The following DENND5B variants were observed in gnomAD, a reference collection of about 807,000 sequenced individuals.
The protein encoded by DENND5B is DENN domain containing 5B.
A neutral mutation model predicts 140.6 loss-of-function variants in DENND5B; 34 were observed. The ratio of observed to expected loss-of-function variants is 0.24; its 90% confidence interval spans 0.18 to 0.32. The LOEUF (loss-of-function observed/expected upper bound fraction) is 0.32, where lower values mean the gene tolerates loss of function less well. Among genes scored for constraint, DENND5B ranks in the 10% least tolerant of loss-of-function variants. DENND5B has a pLI of 1.00. For synonymous variants in DENND5B, 551 were observed against 562.1 expected (o/e 0.98, Z 0.28); for missense variants, 1,142 against 1,560.2 (o/e 0.73, Z 4.52).
At chr12:31,544,031 G>A (rs1416818164) in intron 1 of DENND5B, among the ~76,000 whole-genome samples, 2 of 152,130 alleles carry the variant, frequency 1.3e-5, no homozygotes, top group East Asian at 3.9e-4. Flanking sequence ...AGGCATGGTG[G>A]CACAAGCCTG....
rs558832559 is a variant in DENND5B, at chr12:31,467,055, C to T, written c.905-6674G>A. Among the ~76,000 whole-genome samples, 5 of 151,656 alleles carry T rather than the reference C, an allele frequency of 3.3e-5. No homozygotes were observed. In the South Asian group the frequency reaches 1.0e-3, roughly 32 times the overall value. On this transcript the variant is annotated intron_variant, in intron 3 of 20. Coordinates refer to ENST00000389082, the MANE Select transcript of DENND5B (RefSeq NM_144973.4). ...AACCAGAAGATGATAGAATATTATCCTCAGAGTTCTAAGAGAAAAAAACTT... is the reference window on the plus strand; with the variant it reads ...AACCAGAAGATGATAGAATATTATCTTCAGAGTTCTAAGAGAAAAAAACTT...
At chr12:31,424,923 T>C (rs1051173638) in intron 9 of DENND5B, among the ~76,000 whole-genome samples, 2 of 152,188 alleles carry the variant, frequency 1.3e-5, no homozygotes, top group African/African-American at 4.8e-5. Context: ...TAAGATAATA[T>C]TTGTAAGGCA....
At chr12:31,465,930 T>G (rs1945244392) in intron 3 of DENND5B, 1 of 152,488 alleles carries the variant, frequency 6.6e-6, no homozygotes, top group South Asian at 2.1e-4. Context: ...CATGTTTGTC[T>G]GTAACAAGCT....
intron 17 of DENND5B, among the ~76,000 whole-genome samples, chr12:31,395,055 T>G (rs759059195): frequency 1.3e-5 from 2 of 152,184 alleles, no homozygotes; most frequent in East Asian, 3.8e-4. Flanking sequence ...CACCAGTTGA[T>G]GTATATTGGG....
intron 1 of DENND5B, among the ~76,000 whole-genome samples, chr12:31,524,572 G>A (rs903510158): frequency 6.6e-6 from 1 of 152,200 alleles, no homozygotes; most frequent in Non-Finnish European, 1.5e-5. Flanking sequence ...AGAATCGCTT[G>A]AACCTGGAAG....
intron 3 of DENND5B, among the ~76,000 whole-genome samples, chr12:31,467,352 C>T (rs1231000801): frequency 1.3e-5 from 2 of 152,030 alleles, no homozygotes; most frequent in African/African-American, 4.8e-5. Context: ...AGGCTGGGTG[C>T]AGTGGCTCAC....
intron 20 of DENND5B, among the ~76,000 whole-genome samples, 183 bp downstream of exon 20, chr12:31,389,141 G>C (rs979996292): frequency 6.6e-6 from 1 of 152,204 alleles, no homozygotes; most frequent in Non-Finnish European, 1.5e-5. Context: ...AGGTTGCAGT[G>C]AGCCAAGATT....
At chr12:31,568,733 T>C (rs905678554) in intron 1 of DENND5B, among the ~76,000 whole-genome samples, 1 of 152,292 alleles carries the variant, frequency 6.6e-6, no homozygotes, top group East Asian at 1.9e-4. Context: ...ACGTTCAAAT[T>C]ACACCCTGAA....
At chr12:31,396,366 T>TG (rs1941472847) in intron 17 of DENND5B, 2 of 91,620 alleles carry the variant, frequency 2.2e-5, no homozygotes, top group African/African-American at 9.3e-5. Context: ...TGTTGTTTTT[T>TG]TTTTTTTTTT....
At chr12:31,527,615 T>C (rs903353290) in intron 1 of DENND5B, among the ~76,000 whole-genome samples, 1 of 151,992 alleles carries the variant, frequency 6.6e-6, no homozygotes, top group Non-Finnish European at 1.5e-5. Context: ...CTGTCTCTAC[T>C]AAAAATACAA....
chr12:31,399,195 TAAAC>T (rs1179335591), intron 16 of DENND5B, among the ~76,000 whole-genome samples: 5 of 71,498 alleles, frequency 7.0e-5, no homozygotes, highest in African/African-American at 1.0e-4. Flanking sequence ...TTGTATGACA[TAAAC>T]AAAAAAAAAA....
intron 1 of DENND5B, among the ~76,000 whole-genome samples, chr12:31,525,473 A>G (rs1385943540): frequency 6.6e-6 from 1 of 152,244 alleles, no homozygotes; most frequent in African/African-American, 2.4e-5. Flanking sequence ...GAATAGGCAA[A>G]TTTACAGACA....
rs1565526623 is a variant in DENND5B at position 31,384,659 on chromosome 12, A to G, written c.*2944T>C. 1 of 152,216 alleles carries G rather than the reference A, an allele frequency of 6.6e-6. No homozygotes were observed. The highest frequency in any genetic ancestry group is 1.5e-5 in the Non-Finnish European group (1 of 68,042). 9.4% of individuals were successfully genotyped at this position (152,216 alleles called of 1,614,324 possible). On this transcript the variant is annotated 3_prime_UTR_variant, in exon 21 of 21. Transcript: ENST00000389082. ...ATCATTTCACCATTATAGTAATATT[A>G]CACAAAGGCATGAAGATGAAACTTC... is the stretch of plus-strand genomic sequence containing the variant.
intron 1 of DENND5B, among the ~76,000 whole-genome samples, chr12:31,517,486 G>C (rs1432462328): frequency 6.6e-6 from 1 of 152,204 alleles, no homozygotes; most frequent in Non-Finnish European, 1.5e-5. Context: ...GTATAGCACA[G>C]TACTGAATGA....
At chr12:31,413,628 A>G in intron 12 of DENND5B, 64 bp from the exon 13 acceptor site, 1 of 1,557,608 alleles carries the variant, frequency 6.4e-7, no homozygotes, top group Non-Finnish European at 8.7e-7. Flanking sequence ...GAAAAGAAGT[A>G]AAGAGTGAAC....
intron 1 of DENND5B, among the ~76,000 whole-genome samples, chr12:31,510,417 G>C (rs939370263): frequency 6.6e-5 from 10 of 152,184 alleles, no homozygotes; most frequent in Non-Finnish European, 1.3e-4. Flanking sequence ...CGGGGTTCAA[G>C]CAATTCTCCT....
intron 1 of DENND5B, among the ~76,000 whole-genome samples, chr12:31,573,285 G>GT: frequency 6.6e-6 from 1 of 152,214 alleles, no homozygotes; most frequent in South Asian, 2.1e-4. Flanking sequence ...AGCAAAAAAT[G>GT]TAAGAAGTTA....
chr12:31,495,389 C>CTTTTCTTTTT (rs750278067), intron 2 of DENND5B, among the ~76,000 whole-genome samples: 4 of 136,204 alleles, frequency 2.9e-5, no homozygotes, highest in African/African-American at 5.5e-5. Context: ...CTTTTTTTTT[C>CTTTTCTTTTT]TTTTTTTGAG....
intron 7 of DENND5B, among the ~76,000 whole-genome samples, chr12:31,439,486 CT>C (rs10712521): frequency 0.57 from 86,293 of 150,664 alleles, 25,037 homozygotes; most frequent in East Asian, 0.82. Flanking sequence ...TATTAGGTTC[CT>C]TTTTTTTTTG....
Sources: gnomAD v4.1 joint callset for allele counts (sites outside exome capture counted in the v4.1 genomes callset) on GRCh38, gnomAD v4.1.1 for gene constraint, MANE v1.5 for transcripts, NCBI Gene and HGNC (gene_info 2026-07-23, HGNC 2026-07-21) for gene names.